Variants in LOC400499 observed in about 807,000 individuals in gnomAD.
chr16:11,470,308 C>T, the LOC400499 span, among the ~76,000 whole-genome samples: 1 of 152,164 alleles, frequency 6.6e-6, no homozygotes, highest in Non-Finnish European at 1.5e-5. Context: ...CATTGCCCTC[C>T]AGCACTGCAG....
At chr16:11,399,346 A>G in the LOC400499 span, 1 of 955,932 alleles carries the variant, frequency 1.0e-6, no homozygotes, top group Non-Finnish European at 1.4e-6. Context: ...CACAGCAGAG[A>G]AGTAAGTTGC....
the LOC400499 span, among the ~76,000 whole-genome samples, chr16:11,430,296 G>A: frequency 6.6e-6 from 1 of 152,110 alleles, no homozygotes; most frequent in South Asian, 2.1e-4. Flanking sequence ...GACCAGCCTG[G>A]TCAACCTGGT....
At chr16:11,387,153 A>T in the LOC400499 span, 2 of 1,232,070 alleles carry the variant, frequency 1.6e-6, no homozygotes, top group Admixed American at 8.4e-5. Context: ...AGCCAGTAGT[A>T]CTCAGCCAGC....
At chr16:11,454,856 T>G in the LOC400499 span, among the ~76,000 whole-genome samples, 44 of 152,292 alleles carry the variant, frequency 2.9e-4, no homozygotes, top group African/African-American at 1.0e-3. Flanking sequence ...AAAGGGATTG[T>G]GACCCAGAGG....
At chr16:11,396,019 G>C in the LOC400499 span, among the ~76,000 whole-genome samples, 5 of 152,242 alleles carry the variant, frequency 3.3e-5, no homozygotes, top group Non-Finnish European at 5.9e-5. Flanking sequence ...GGAGTAAGGA[G>C]GGGGAGGAGA....
At chr16:11,383,633 G>C in the LOC400499 span, 1 of 1,232,278 alleles carries the variant, frequency 8.1e-7, no homozygotes, top group Non-Finnish European at 1.0e-6. Flanking sequence ...GATGGCTGGG[G>C]CAGCTTACCA....
At chr16:11,475,374 A>C in the LOC400499 span, among the ~76,000 whole-genome samples, 3 of 152,336 alleles carry the variant, frequency 2.0e-5, no homozygotes, top group Admixed American at 2.0e-4. Flanking sequence ...AGCTTTCAGA[A>C]TCATCTCTGA....
At chr16:11,448,324 G>A in the LOC400499 span, among the ~76,000 whole-genome samples, 1 of 152,214 alleles carries the variant, frequency 6.6e-6, no homozygotes, top group East Asian at 1.9e-4. Context: ...TCAGCTAAAG[G>A]AAGCCAAGTT....
chr16:11,409,153 C>T, the LOC400499 span, among the ~76,000 whole-genome samples: 1 of 151,846 alleles, frequency 6.6e-6, no homozygotes, highest in Admixed American at 6.6e-5. Context: ...CCCAGCTACT[C>T]AGGAGGCTGA....
At chr16:11,497,354 A>T in the LOC400499 span, among the ~76,000 whole-genome samples, 1 of 152,222 alleles carries the variant, frequency 6.6e-6, no homozygotes, top group African/African-American at 2.4e-5. Context: ...TTGAGCAAAG[A>T]AAACAAAGCT....
At chr16:11,392,352 G>A in the LOC400499 span, 449 of 398,954 alleles carry the variant, frequency 1.1e-3, 1 homozygote, top group Non-Finnish European at 9.7e-4. Context: ...TGGCAGCCGC[G>A]CGCGGCCAGC....
the LOC400499 span, chr16:11,449,089 A>C: frequency 2.0e-5 from 29 of 1,462,124 alleles, no homozygotes; most frequent in Admixed American, 5.8e-4. Context: ...CTCTGTGCCA[A>C]GACTGTCACT....
the LOC400499 span, chr16:11,450,952 G>A: frequency 1.2e-6 from 1 of 800,650 alleles, no homozygotes; most frequent in Non-Finnish European, 1.9e-6. Flanking sequence ...CTAGGCATGA[G>A]GGAACTTTCT....
At chr16:11,471,681 C>T in the LOC400499 span, 1 of 399,130 alleles carries the variant, frequency 2.5e-6, no homozygotes, top group Non-Finnish European at 4.4e-6. Context: ...AGGCAGCTTC[C>T]AGCAGGTACT....
the LOC400499 span, among the ~76,000 whole-genome samples, chr16:11,450,136 C>G: frequency 1.3e-5 from 2 of 152,228 alleles, no homozygotes. Flanking sequence ...CACGCATCAC[C>G]CAGACAGTCC....
chr16:11,375,408 T>C, the LOC400499 span, among the ~76,000 whole-genome samples: 73,365 of 134,168 alleles, frequency 0.55, 23,769 homozygotes, highest in Non-Finnish European at 0.61. Flanking sequence ...CTGCCTCCCG[T>C]GTTCAAGCAA....
chr16:11,432,771 G>A, the LOC400499 span, among the ~76,000 whole-genome samples: 1 of 152,300 alleles, frequency 6.6e-6, no homozygotes, highest in East Asian at 1.9e-4. Context: ...CACAGCTGTG[G>A]ACTGTGTGTG....
At chr16:11,490,657 C>T in the LOC400499 span, among the ~76,000 whole-genome samples, 1 of 152,144 alleles carries the variant, frequency 6.6e-6, no homozygotes, top group Admixed American at 6.5e-5. Context: ...GCCAAGATCA[C>T]ACCACTGCAC....
the LOC400499 span, chr16:11,516,112 C>T: frequency 1.5e-5 from 6 of 399,588 alleles, no homozygotes; most frequent in Non-Finnish European, 2.6e-5. Flanking sequence ...CACCTCTACC[C>T]CCTACCCCCT....
Sources: allele counts gnomAD v4.1 joint callset (sites outside exome capture counted in the v4.1 genomes callset), GRCh38; gene constraint gnomAD v4.1.1; transcripts MANE v1.5.